The following RIT2 variants were observed in gnomAD, a reference collection of about 807,000 sequenced individuals.
RIT2 encodes Ras like without CAAX 2.
A neutral mutation model predicts 23.7 loss-of-function variants in RIT2; 24 were observed. The ratio of observed to expected loss-of-function variants is 1.01; its 90% CI spans 0.73 to 1.43. The LOEUF (loss-of-function observed/expected upper bound fraction) is 1.43. Ranked by LOEUF, RIT2 falls within the 40% of genes most tolerant of loss-of-function variation. The pLI is 0.00. For missense variants in RIT2, 236 were observed against 266.9 expected, an observed-to-expected ratio of 0.88 and a Z score of 0.81; for synonymous variants, 107 against 91.1, an observed-to-expected ratio of 1.17 and a Z score of -0.99.
intron 2 of RIT2, among the ~76,000 whole-genome samples, chr18:43,019,371 G>A (rs906141285): frequency 2.0e-5 from 3 of 151,858 alleles, no homozygotes; most frequent in African/African-American, 7.2e-5. Context: ...GAGATTCAAG[G>A]ATGATTCAAC....
intron 1 of RIT2, among the ~76,000 whole-genome samples, chr18:43,106,571 T>C (rs150777169): frequency 1.4e-4 from 22 of 152,328 alleles, no homozygotes; most frequent in African/African-American, 4.6e-4. Flanking sequence ...ACTGCAAATA[T>C]AGTTTTCTCT....
At chr18:43,086,048 G>A (rs114977412) in intron 1 of RIT2, among the ~76,000 whole-genome samples, 19 of 152,284 alleles carry the variant, frequency 1.2e-4, no homozygotes, top group African/African-American at 4.3e-4. Context: ...TTTATCAGCA[G>A]TGTGAAGATG....
intron 3 of RIT2, among the ~76,000 whole-genome samples, chr18:42,961,577 C>T (rs369604224): frequency 7.4e-4 from 113 of 152,228 alleles, no homozygotes; most frequent in African/African-American, 2.5e-3. Flanking sequence ...ATACATGGCA[C>T]CTACAGACCA....
chr18:42,948,590 A>C (rs1267003630), intron 3 of RIT2, among the ~76,000 whole-genome samples: 2 of 152,130 alleles, frequency 1.3e-5, no homozygotes, highest in African/African-American at 4.8e-5. Context: ...CAGAATGCAA[A>C]CTAGAGAACC....
Position 43,104,590 on chromosome 18 carries a change from T to A in RIT2, c.103+10827A>T, listed in dbSNP as rs183791880. Among the ~76,000 whole-genome samples, 311 of 152,248 alleles carry A rather than the reference T, an allele frequency of 2.0e-3. 1 individual carries two copies. The highest frequency in any genetic ancestry group is 7.1e-3 in the African/African-American group (294 of 41,556). ...AAAGGGAAAAAAAAAGATGCTGAGG[T>A]ATTCCAGACTTCTGTTACTCAGAAT... On this transcript the variant is annotated intron_variant, in intron 1 of 4. Coordinates refer to ENST00000326695, the MANE Select transcript of RIT2 (RefSeq NM_002930.4).
chr18:42,839,504 A>G (rs746521956), intron 4 of RIT2, among the ~76,000 whole-genome samples: 1 of 152,136 alleles, frequency 6.6e-6, no homozygotes, highest in African/African-American at 2.4e-5. Flanking sequence ...GGCTTGATTG[A>G]CTTAAATGAT....
At chr18:42,942,679 T>G (rs1179456730) in intron 3 of RIT2, among the ~76,000 whole-genome samples, 1 of 152,112 alleles carries the variant, frequency 6.6e-6, no homozygotes, top group South Asian at 2.1e-4. Flanking sequence ...AATAGCTCTA[T>G]CCTGAGTAAG....
chr18:42,929,032 G>GATATATATATATAT (rs1187388200), intron 3 of RIT2, among the ~76,000 whole-genome samples: 3 of 16,070 alleles, frequency 1.9e-4, no homozygotes, highest in Admixed American at 8.7e-4. Flanking sequence ...CTAAAATATG[G>GATATATATATATAT]AGATATATAT....
intron 1 of RIT2, among the ~76,000 whole-genome samples, chr18:43,080,718 A>C (rs1371091303): frequency 6.6e-6 from 1 of 152,172 alleles, no homozygotes; most frequent in Non-Finnish European, 1.5e-5. Flanking sequence ...GGAAATTCTT[A>C]AATCTCCCAA....
chr18:43,090,583 C>A (rs144348776), intron 1 of RIT2, among the ~76,000 whole-genome samples: 3 of 152,042 alleles, frequency 2.0e-5, no homozygotes, highest in East Asian at 1.9e-4. Flanking sequence ...TGTTCCTTAC[C>A]GCACTATTCA....
chr18:42,927,499 G>C (rs749155993), intron 3 of RIT2, among the ~76,000 whole-genome samples: 1 of 151,616 alleles, frequency 6.6e-6, no homozygotes, highest in Non-Finnish European at 1.5e-5. Context: ...ATATGATAAA[G>C]AAATCACTTT....
intron 4 of RIT2, among the ~76,000 whole-genome samples, chr18:42,835,643 G>T (rs1456472409): frequency 6.6e-6 from 1 of 151,998 alleles, no homozygotes; most frequent in Admixed American, 6.6e-5. Flanking sequence ...TTAAAGATAA[G>T]GTTTTCAATG....
chr18:42,770,757 C>T (rs774416266), intron 4 of RIT2, among the ~76,000 whole-genome samples: 12 of 149,852 alleles, frequency 8.0e-5, no homozygotes, highest in African/African-American at 1.5e-4. Flanking sequence ...TGAGTTGAGA[C>T]TGTTCAATAC....
chr18:42,795,836 C>T (rs7244665), intron 4 of RIT2, among the ~76,000 whole-genome samples: 7 of 151,958 alleles, frequency 4.6e-5, no homozygotes, highest in Non-Finnish European at 1.0e-4. Flanking sequence ...ATGCACCAAT[C>T]GACACTCTGT....
At chr18:43,019,110 T>A (rs950362274) in intron 2 of RIT2, among the ~76,000 whole-genome samples, 5 of 151,976 alleles carry the variant, frequency 3.3e-5, no homozygotes, top group Non-Finnish European at 4.4e-5. Context: ...GCTGAATAGA[T>A]TTTTTTAAAT....
chr18:42,819,943 A>G (rs1397981648), intron 4 of RIT2, among the ~76,000 whole-genome samples: 1 of 152,174 alleles, frequency 6.6e-6, no homozygotes, highest in Non-Finnish European at 1.5e-5. Context: ...ATAAAAGGCC[A>G]GAGCATTTGC....
rs185213786 is a variant in RIT2, at chr18:42,864,588, C to T, written c.426+58984G>A. Among the ~76,000 whole-genome samples, 6 of 152,274 alleles carry T rather than the reference C, an allele frequency of 3.9e-5. No individual in the cohort carries two copies. In the East Asian group the frequency reaches 7.7e-4, roughly 20 times the overall value. On this transcript the variant is annotated intron_variant, in intron 4 of 4. Coordinates refer to ENST00000326695, the MANE Select transcript of RIT2 (RefSeq NM_002930.4). ...ATCATTTTGGCAGTTTTCAAAGAGA[C>T]TCGCTCATATTGAAATTCTTGAGTT...
At chr18:43,092,412 G>A (rs183188821) in intron 1 of RIT2, among the ~76,000 whole-genome samples, 91 of 152,196 alleles carry the variant, frequency 6.0e-4, no homozygotes, top group African/African-American at 2.2e-3. Flanking sequence ...ACTACTTTGT[G>A]TGAAAAATGC....
chr18:43,076,821 C>G (rs4890425), intron 1 of RIT2, among the ~76,000 whole-genome samples: 27,517 of 152,048 alleles, frequency 0.18, 3,149 homozygotes, highest in East Asian at 0.55. Context: ...GGCTCAAACA[C>G]GGCCGGGCGC....
Sources: gnomAD v4.1 joint callset for allele counts (sites outside exome capture counted in the v4.1 genomes callset) on GRCh38, gnomAD v4.1.1 for gene constraint, MANE v1.5 for transcripts, NCBI Gene and HGNC (gene_info 2026-07-23, HGNC 2026-07-21) for gene names.